The following NINJ2 variants were observed in gnomAD, a reference collection of about 807,000 sequenced individuals.
NINJ2 encodes the protein ninjurin 2.
NINJ2 carries 12 observed loss-of-function variants against 11.7 expected under a neutral mutation model. The observed-to-expected ratio is 1.02, with a 90% CI of 0.66 to 1.66. The LOEUF (loss-of-function observed/expected upper bound fraction) is 1.66. NINJ2 is among the 40% of genes most tolerant of loss of function. The probability of loss-of-function intolerance (pLI) is 0.00; values close to 1 mark genes in which losing one functional copy is unlikely to be tolerated. For synonymous variants in NINJ2, 93 were observed against 76.8 expected (o/e 1.21, Z -1.10); for missense variants, 187 against 181.8 (o/e 1.03, Z -0.16).
chr12:622,993 T>C (rs78978465), intron 1 of NINJ2, among the ~76,000 whole-genome samples: 2,451 of 152,264 alleles, frequency 0.016, 69 homozygotes, highest in African/African-American at 0.056. Context: ...AAAAGTCCCA[T>C]GGAACTTGTA....
At chr12:662,707 T>C (rs1425192344) in intron 1 of NINJ2, among the ~76,000 whole-genome samples, 2 of 152,042 alleles carry the variant, frequency 1.3e-5, no homozygotes, top group Non-Finnish European at 2.9e-5. Flanking sequence ...TCCCACCCTT[T>C]CCCCTCCAGC....
intron 1 of NINJ2, among the ~76,000 whole-genome samples, chr12:655,979 T>A (rs565704668): frequency 4.6e-5 from 7 of 152,282 alleles, no homozygotes; most frequent in Non-Finnish European, 4.4e-5. Context: ...TCCATGTTTA[T>A]GGATAAGAGG....
Position 631,512 on chromosome 12 carries a change from C to T in NINJ2, c.33+31816G>A, listed in dbSNP as rs543970016. On this transcript the variant is annotated intron_variant, in intron 1 of 3. Transcript: ENST00000305108. ...CCGAGTAGCTGGGAGTACAGGCGCG[C>T]GCCACCACGCCCAGCTAATTTTTAT... Among the ~76,000 whole-genome samples, 6 of 152,220 alleles carry T rather than the reference C, an allele frequency of 3.9e-5. No homozygotes were observed. In the South Asian group the frequency reaches 1.0e-3, roughly 26 times the overall value.
intron 1 of NINJ2, among the ~76,000 whole-genome samples, chr12:661,415 A>G (rs1008446335): frequency 6.6e-6 from 1 of 152,356 alleles, no homozygotes; most frequent in East Asian, 1.9e-4. Context: ...AATAATGGAT[A>G]ACCTTCTGAG....
chr12:611,855 G>C (rs1948037169), intron 1 of NINJ2, among the ~76,000 whole-genome samples: 1 of 152,220 alleles, frequency 6.6e-6, no homozygotes, highest in African/African-American at 2.4e-5. Context: ...TGTTGTAGGA[G>C]GTTGCCCCCC....
intron 1 of NINJ2, among the ~76,000 whole-genome samples, chr12:630,563 A>G (rs1245287598): frequency 6.6e-6 from 1 of 152,184 alleles, no homozygotes; most frequent in East Asian, 1.9e-4. Context: ...TTTTTAGCAC[A>G]GACGGAGTTT....
intron 1 of NINJ2, among the ~76,000 whole-genome samples, chr12:576,900 A>T (rs1212313403): frequency 6.6e-6 from 1 of 152,154 alleles, no homozygotes; most frequent in Non-Finnish European, 1.5e-5. Context: ...TCTTTGCTCT[A>T]TGCCCACTTG....
chr12:620,992 G>A (rs934273301), intron 1 of NINJ2, among the ~76,000 whole-genome samples: 1 of 152,150 alleles, frequency 6.6e-6, no homozygotes, highest in African/African-American at 2.4e-5. Flanking sequence ...TGGATGAGAT[G>A]AAGGACTTAC....
At chr12:635,363 T>C (rs1948338140) in intron 1 of NINJ2, among the ~76,000 whole-genome samples, 1 of 152,194 alleles carries the variant, frequency 6.6e-6, no homozygotes, top group South Asian at 2.1e-4. Flanking sequence ...TGTATACTTC[T>C]TTAAATGCAA....
Position 614,376 on chromosome 12 carries a change from C to T in NINJ2, c.34-48198G>A, listed in dbSNP as rs1379198535. ...GTCTTGGGAGAACATAAGTCTGGGT[C>T]GTTGGGTGGTGGCAGAACAAAATGT... On this transcript the variant is annotated intron_variant, in intron 1 of 3. Coordinates refer to ENST00000305108, the MANE Select transcript of NINJ2 (RefSeq NM_016533.6). The surrounding 1 kb of genome is among the most constrained non-coding windows in gnomAD (Gnocchi z 5.1). 1.3e-5 allele frequency among the ~76,000 whole-genome samples: 2 copies of T among 151,866 alleles called. No homozygotes were observed. The highest frequency in any genetic ancestry group is 2.9e-5 in the Non-Finnish European group (2 of 68,002).
intron 1 of NINJ2, among the ~76,000 whole-genome samples, chr12:605,525 G>A (rs986671198): frequency 6.6e-6 from 1 of 152,176 alleles, no homozygotes; most frequent in Non-Finnish European, 1.5e-5. Context: ...GCACCACTGC[G>A]CTCCAGCCGG....
chr12:625,374 G>T (rs560329253), intron 1 of NINJ2, among the ~76,000 whole-genome samples: 91 of 152,260 alleles, frequency 6.0e-4, no homozygotes, highest in African/African-American at 2.2e-3. Context: ...GAAAGCCAAG[G>T]TGAAGTCGAG....
chr12:635,221 T>G (rs1948335562), intron 1 of NINJ2, among the ~76,000 whole-genome samples: 1 of 152,100 alleles, frequency 6.6e-6, no homozygotes, highest in Non-Finnish European at 1.5e-5. Context: ...ATCCTAAATT[T>G]TGTATTTTTA....
intron 1 of NINJ2, among the ~76,000 whole-genome samples, chr12:566,493 C>T (rs1284191278): frequency 6.6e-6 from 1 of 152,192 alleles, no homozygotes; most frequent in African/African-American, 2.4e-5. Flanking sequence ...CCTTCCTCAC[C>T]CTATTCACTA....
intron 1 of NINJ2, among the ~76,000 whole-genome samples, chr12:602,540 T>C (rs1040845707): frequency 2.6e-5 from 4 of 152,260 alleles, no homozygotes; most frequent in African/African-American, 9.6e-5. Context: ...GATAGGAATT[T>C]GAGTTGTTTC....
intron 1 of NINJ2, among the ~76,000 whole-genome samples, chr12:609,445 G>A (rs900322914): frequency 6.6e-6 from 1 of 152,194 alleles, no homozygotes; most frequent in Admixed American, 6.5e-5. Context: ...CTTGTGAGCT[G>A]AGCAAGGCAT....
chr12:653,265 C>T (rs996325698), intron 1 of NINJ2, among the ~76,000 whole-genome samples: 3 of 151,740 alleles, frequency 2.0e-5, no homozygotes, highest in Non-Finnish European at 4.4e-5. Flanking sequence ...GTGATCTGCC[C>T]GCCTCTGCCT....
At chr12:579,184 A>C (rs1156553308) in intron 1 of NINJ2, among the ~76,000 whole-genome samples, 1 of 152,228 alleles carries the variant, frequency 6.6e-6, no homozygotes, top group African/African-American at 2.4e-5. Context: ...ATGAGAGCTG[A>C]GCCTGCAGTC....
Position 652,779 on chromosome 12 carries a change from G to A in NINJ2, c.33+10549C>T, listed in dbSNP as rs1014671933. 5.0e-4 allele frequency among the ~76,000 whole-genome samples: 76 copies of A among 150,880 alleles called. 1 individual carries two copies. The highest frequency in any genetic ancestry group is 1.7e-3 in the African/African-American group (72 of 41,224). ...CCTGGCCAATATAGTGAAACCCCAT[G>A]TCTACTAAAAATACAAAAATTAGCT... On this transcript the variant is annotated intron_variant, in intron 1 of 3. Coordinates refer to ENST00000305108, the MANE Select transcript of NINJ2 (RefSeq NM_016533.6).
Sources: allele counts gnomAD v4.1 joint callset (sites outside exome capture counted in the v4.1 genomes callset), GRCh38; gene constraint gnomAD v4.1.1; non-coding constraint Gnocchi (gnomAD v3.1); transcripts MANE v1.5; gene names NCBI Gene and HGNC (gene_info 2026-07-23, HGNC 2026-07-21).